The following AGBL2 variants were observed in gnomAD, a reference collection of about 807,000 sequenced individuals.
The protein encoded by AGBL2 is cytosolic carboxypeptidase 2.
Under a neutral mutation model 103.0 loss-of-function variants are expected in AGBL2, and 87 were observed. That is an observed-to-expected ratio of 0.84 (90% confidence interval 0.71 to 1.01). AGBL2 has a LOEUF of 1.01. Among genes scored for constraint, AGBL2 ranks in the 50% least tolerant of loss-of-function variants. The probability of loss-of-function intolerance (pLI) is 0.00; values close to 1 mark genes in which losing one functional copy is unlikely to be tolerated. For missense variants in AGBL2, 904 were observed against 1,023.5 expected, an observed-to-expected ratio of 0.88 and a Z score of 1.59; for synonymous variants, 335 against 356.7, an observed-to-expected ratio of 0.94 and a Z score of 0.69.
At chr11:47,704,476 T>G (rs1051442591) in intron 7 of AGBL2, 67 bp downstream of exon 7, 137 of 1,310,290 alleles carry the variant, frequency 1.0e-4, no homozygotes, top group Non-Finnish European at 1.4e-4. Flanking sequence ...GAGTGAGACT[T>G]CGTCTCAAAA....
At position 47,710,785 on chromosome 11, in the gene AGBL2, T is replaced by C. The variant is rs563493573; in HGVS notation, c.98-274A>G. On this transcript the variant is annotated intron_variant, in intron 3 of 18. Transcript: ENST00000525123. ...AGAAAGGACTTGGCAGGCAGAAAGA[T>C]TCTGAAGCTACAAGGGCTGTGTTGG... 26 of 519,906 alleles carry C rather than the reference T, an allele frequency of 5.0e-5. 1 individual carries two copies. The highest frequency in any genetic ancestry group is 3.8e-4 in the South Asian group (25 of 65,114). 32.2% of individuals were successfully genotyped at this position (519,906 alleles called of 1,614,324 possible). A position where few individuals can be genotyped will look rare whatever the true frequency, so the allele number is the denominator to read the frequency against.
intron 17 of AGBL2, among the ~76,000 whole-genome samples, chr11:47,664,233 C>T (rs2097335244): frequency 6.6e-6 from 1 of 152,082 alleles, no homozygotes; most frequent in Non-Finnish European, 1.5e-5. Flanking sequence ...CAGCTACTAA[C>T]TATTGTACCA....
chr11:47,690,714 A>G lies in AGBL2; in HGVS notation c.993T>C (p.Leu331=), dbSNP rs1461710624. 3.7e-6 allele frequency: 6 copies of G among 1,614,110 alleles called. No individual in the cohort carries two copies. In the Admixed American group the frequency reaches 1.0e-4, roughly 27 times the overall value. ...TIVNLLKPKS[L]YTVGMKPLLY... ...AGAGTGGCTTCATCCCTACAGTATA[A>G]AGACTCTTGGGTTTTAGCAAGTTGA... Residue 331 remains leucine, a synonymous_variant, in exon 10 of 19, where the codon CTT becomes CTC. Coordinates refer to ENST00000525123, the MANE Select transcript of AGBL2 (RefSeq NM_024783.4).
At chr11:47,685,503 C>A (rs565817409) in intron 11 of AGBL2, among the ~76,000 whole-genome samples, 2 of 152,040 alleles carry the variant, frequency 1.3e-5, no homozygotes, top group Non-Finnish European at 2.9e-5. Context: ...CTCACTGCAA[C>A]CTCTGCTTCC....
intron 10 of AGBL2, 125 bp downstream of exon 10, chr11:47,689,951 C>CTCTGTCTCCAAAG: frequency 1.3e-6 from 1 of 778,060 alleles, no homozygotes; most frequent in Non-Finnish European, 2.0e-6. Flanking sequence ...CTGGTAAGGG[C>CTCTGTCTCCAAAG]TCTGTCTCCA....
intron 3 of AGBL2, 36 bp from the exon 4 acceptor site, chr11:47,710,547 GC>G: frequency 6.2e-7 from 1 of 1,611,312 alleles, no homozygotes; most frequent in Non-Finnish European, 8.5e-7. Context: ...TTGCTGGAAG[GC>G]CGACTCATCA....
intron 8 of AGBL2, among the ~76,000 whole-genome samples, chr11:47,697,015 G>C (rs1310334320): frequency 6.8e-6 from 1 of 147,968 alleles, no homozygotes; most frequent in Non-Finnish European, 1.5e-5. Context: ...TGCAACCTCT[G>C]CCTCCTGGGT....
chr11:47,677,494 C>A, intron 13 of AGBL2, 93 bp from the exon 14 acceptor site: 1 of 855,894 alleles, frequency 1.2e-6, no homozygotes, highest in South Asian at 4.0e-5. Context: ...ACTCTTGTTG[C>A]CCAGGCTGGA....
In AGBL2 at chr11:47,713,580, T is replaced by A. The variant is rs1464073143; in HGVS notation, c.97+704A>T. The stretch of plus-strand genomic sequence containing the variant: ...TAAGCCAATTGCAAAATTTATTTTT[T>A]TAAATTTTTATTTATTTATTTTTTT... On this transcript the variant is annotated intron_variant, in intron 3 of 18. Transcript: ENST00000525123. Among the ~76,000 whole-genome samples the A allele has an allele frequency of 2.6e-5, 4 of 151,108 alleles. No homozygotes were observed. In the East Asian group the frequency reaches 5.9e-4, roughly 22 times the overall value.
chr11:47,693,338 A>C (rs2097455388), intron 8 of AGBL2, among the ~76,000 whole-genome samples: 1 of 152,058 alleles, frequency 6.6e-6, no homozygotes, highest in African/African-American at 2.4e-5. Context: ...ATTTGTTTTA[A>C]GATTTTTATA....
chr11:47,676,065 T>C (rs1222562524), intron 14 of AGBL2, among the ~76,000 whole-genome samples: 1 of 152,016 alleles, frequency 6.6e-6, no homozygotes, highest in Non-Finnish European at 1.5e-5. Context: ...ACCTCTCCAC[T>C]GAACTCCAGA....
intron 9 of AGBL2, 95 bp downstream of exon 9, chr11:47,692,008 T>G (rs1196068640): frequency 3.7e-5 from 44 of 1,200,378 alleles, no homozygotes; most frequent in Non-Finnish European, 4.8e-5. Flanking sequence ...CCATCACCTC[T>G]TTCTTTTTTG....
At chr11:47,685,536 C>T (rs576924358) in intron 11 of AGBL2, among the ~76,000 whole-genome samples, 16 of 152,256 alleles carry the variant, frequency 1.1e-4, no homozygotes, top group Admixed American at 9.2e-4. Flanking sequence ...ATTCTCCTGC[C>T]TCAGCCTCCC....
rs770950430 is a variant in AGBL2 at position 47,704,538 on chromosome 11, A to G, written c.586+5T>C. On this transcript the variant is annotated splice_donor_5th_base_variant and intron_variant, in intron 7 of 18. Transcript: ENST00000525123. Reference sequence around the variant, plus strand: ...AGCAAGACCACTGTGAGTAAGTCATATTACCAATATGATGGATGTTTTCCT... The same window carrying G: ...AGCAAGACCACTGTGAGTAAGTCATGTTACCAATATGATGGATGTTTTCCT... 4 of 1,609,124 alleles carry G rather than the reference A, an allele frequency of 2.5e-6. No individual in the cohort carries two copies. In the Admixed American group the frequency reaches 6.8e-5, roughly 27 times the overall value.
intron 13 of AGBL2, among the ~76,000 whole-genome samples, chr11:47,678,001 G>A (rs1387390048): frequency 2.3e-4 from 35 of 150,754 alleles, no homozygotes; most frequent in Admixed American, 2.3e-3. Context: ...GTCTTGCTCT[G>A]TCTCCAGGCT....
intron 3 of AGBL2, among the ~76,000 whole-genome samples, chr11:47,713,841 G>A (rs1206267975): frequency 6.6e-6 from 1 of 151,768 alleles, no homozygotes; most frequent in Admixed American, 6.6e-5. Context: ...CACCCGTCTC[G>A]GCCTCCCAAA....
At chr11:47,699,630 A>C (rs1448559793) in intron 7 of AGBL2, 77 bp from the exon 8 acceptor site, 1 of 773,292 alleles carries the variant, frequency 1.3e-6, no homozygotes, top group Admixed American at 3.5e-5. Flanking sequence ...TAAAATAATA[A>C]TAATAATTTT....
At chr11:47,713,357 A>G (rs2097541043) in intron 3 of AGBL2, among the ~76,000 whole-genome samples, 1 of 147,292 alleles carries the variant, frequency 6.8e-6, no homozygotes, top group Admixed American at 6.8e-5. Flanking sequence ...AAAAAAAAAA[A>G]AAAAGAAAGA....
At chr11:47,667,403 G>T (rs2097344082) in intron 16 of AGBL2, among the ~76,000 whole-genome samples, 168 bp downstream of exon 16, 1 of 152,188 alleles carries the variant, frequency 6.6e-6, no homozygotes, top group Non-Finnish European at 1.5e-5. Flanking sequence ...CCTGCTCGGA[G>T]ATGTCCGGAG....
Sources: gnomAD v4.1 joint callset for allele counts (sites outside exome capture counted in the v4.1 genomes callset) on GRCh38, gnomAD v4.1.1 for gene constraint, MANE v1.5 for transcripts, NCBI Gene and HGNC (gene_info 2026-07-23, HGNC 2026-07-21) for gene names.